Variants in KCNQ1 observed in about 807,000 individuals in gnomAD.
KCNQ1 encodes the protein potassium voltage-gated channel subfamily KQT member 1.
In KCNQ1, 49 loss-of-function variants were observed where a neutral mutation model predicts 72.4. That is an observed-to-expected ratio of 0.68 (90% CI 0.54 to 0.86). The LOEUF is 0.86. Among genes scored for constraint, KCNQ1 ranks in the 40% least tolerant of loss-of-function variants. The pLI, the probability that KCNQ1 is intolerant of heterozygous loss-of-function variation, is 0.00. For synonymous variants in KCNQ1, 450 were observed against 412.6 expected (o/e 1.09, Z -1.10); for missense variants, 790 against 945.1 (o/e 0.84, Z 2.15).
In KCNQ1 at chr11:2,497,439, T is replaced by C. The variant is rs2133637582; in HGVS notation, c.387-30489T>C. Among the ~76,000 whole-genome samples, 1 of 152,328 alleles carries C rather than the reference T, an allele frequency of 6.6e-6. No individual in the cohort carries two copies. Among genetic ancestry groups the C allele is most frequent in the African/African-American group, 2.4e-5 (1 of 41,578 alleles). ...TTGATCTTCAATCTCTGATATCCTT[T>C]CTTCCACTTGATTCATTTGGCTATT... On this transcript the variant is annotated intron_variant, in intron 1 of 15. Coordinates refer to ENST00000155840, the MANE Select transcript of KCNQ1 (RefSeq NM_000218.3). The surrounding 1 kb of genome is among the most constrained non-coding windows in gnomAD (Gnocchi z 4.5).
chr11:2,791,232 G>A (rs1470983566), intron 15 of KCNQ1, among the ~76,000 whole-genome samples: 2 of 152,226 alleles, frequency 1.3e-5, no homozygotes, highest in Non-Finnish European at 2.9e-5. Flanking sequence ...GCCGGAGCCC[G>A]CAGCGGCCGA....
intron 10 of KCNQ1, among the ~76,000 whole-genome samples, chr11:2,597,581 C>T (rs962630412): frequency 5.3e-5 from 8 of 152,296 alleles, no homozygotes; most frequent in African/African-American, 1.9e-4. Flanking sequence ...AATCTGCCAT[C>T]ATGTGGGGGC....
In KCNQ1 at chr11:2,673,612, C is replaced by G. The variant is rs895096554; in HGVS notation, c.1514+11531C>G. On this transcript the variant is annotated intron_variant, in intron 11 of 15. Coordinates refer to ENST00000155840, the MANE Select transcript of KCNQ1 (RefSeq NM_000218.3). This position sits in a 1 kb window ranked among gnomAD's most constrained non-coding sequence, Gnocchi z 4.5. ...CTAAAGAGAAGCTAAACGTGACCAG[C>G]CTACCCACCTTGCTACTGCTGATGA... 7.5e-6 allele frequency: 3 copies of G among 398,674 alleles called. No individual in the cohort carries two copies. In the East Asian group the frequency reaches 1.1e-4, roughly 14 times the overall value. The allele number at this position is 398,674 out of a possible 1,614,324, so 24.7% of individuals were successfully genotyped here.
intron 11 of KCNQ1, among the ~76,000 whole-genome samples, chr11:2,730,315 T>C (rs554746199): frequency 1.2e-4 from 18 of 152,340 alleles, no homozygotes; most frequent in African/African-American, 4.1e-4. Flanking sequence ...ACAAACTTAG[T>C]GGCTTTAAGT....
chr11:2,772,906 C>G lies in KCNQ1; in HGVS notation c.1591-3054C>G, dbSNP rs1234463907. On this transcript the variant is annotated intron_variant, in intron 12 of 15. Transcript: ENST00000155840. The surrounding 1 kb of genome is among the most constrained non-coding windows in gnomAD (Gnocchi z 6.6). ...TGGCTGGAGGTGCCCCATGCTTCAG[C>G]TTCACAGAGCTCTGTGGTCTGCAGG... Among the ~76,000 whole-genome samples, 1 of 152,198 alleles carries G rather than the reference C, an allele frequency of 6.6e-6. No homozygotes were observed. Among genetic ancestry groups the G allele is most frequent in the African/African-American group, 2.4e-5 (1 of 41,446 alleles).
Position 2,612,953 on chromosome 11 carries a change from G to C in KCNQ1, c.1393+24099G>C, listed in dbSNP as rs1344080761. The stretch of plus-strand genomic sequence containing the variant: ...TCTCTGCATGGATTCTGCAGAGTCT[G>C]TGTTCTCCTGCAGTGTGCAGCCACT... On this transcript the variant is annotated intron_variant, in intron 10 of 15. Transcript: ENST00000155840. The surrounding 1 kb of genome is among the most constrained non-coding windows in gnomAD (Gnocchi z 5.5). 1 of 398,432 alleles carries C rather than the reference G, an allele frequency of 2.5e-6. No homozygotes were observed. Among genetic ancestry groups the C allele is most frequent in the African/African-American group, 2.1e-5 (1 of 48,616 alleles). 24.7% of individuals were successfully genotyped at this position (398,432 alleles called of 1,614,324 possible).
intron 15 of KCNQ1, among the ~76,000 whole-genome samples, chr11:2,796,516 G>A (rs1219447984): frequency 6.6e-6 from 1 of 152,136 alleles, no homozygotes; most frequent in African/African-American, 2.4e-5. Context: ...CTATCATGGG[G>A]CCTGAGAAGT....
chr11:2,687,062 A>G lies in KCNQ1; in HGVS notation c.1514+24981A>G. ...TCCCAGCTCTGGGGGACAAGGACCC[A>G]CAAAGTGATGCAAGATATCCTGAGT... On this transcript the variant is annotated intron_variant, in intron 11 of 15. Coordinates refer to ENST00000155840, the MANE Select transcript of KCNQ1 (RefSeq NM_000218.3). The surrounding 1 kb of genome is among the most constrained non-coding windows in gnomAD (Gnocchi z 5.0). 2.5e-6 allele frequency: 1 copy of G among 398,674 alleles called. No individual in the cohort carries two copies. Among genetic ancestry groups the G allele is most frequent in the Non-Finnish European group, 4.4e-6 (1 of 226,078 alleles). The allele number at this position is 398,674 out of a possible 1,614,324, so 24.7% of individuals were successfully genotyped here.
In KCNQ1 at chr11:2,677,846, C is replaced by G; in HGVS notation, c.1514+15765C>G. The G allele has an allele frequency of 2.5e-6, 1 of 398,490 alleles. No homozygotes were observed. Among genetic ancestry groups the G allele is most frequent in the Non-Finnish European group, 4.4e-6 (1 of 226,028 alleles). The allele number at this position is 398,490 out of a possible 1,614,324, so 24.7% of individuals were successfully genotyped here. A position where few individuals can be genotyped will look rare whatever the true frequency, so the allele number is the denominator to read the frequency against. ...TAGATACTGCCAAATAAGGGCTGTACCATTTACATCACTTTGACTGCACAA... is the reference window on the plus strand; with the variant it reads ...TAGATACTGCCAAATAAGGGCTGTAGCATTTACATCACTTTGACTGCACAA... On this transcript the variant is annotated intron_variant, in intron 11 of 15. Transcript: ENST00000155840. This position sits in a 1 kb window ranked among gnomAD's most constrained non-coding sequence, Gnocchi z 4.5.
intron 1 of KCNQ1, among the ~76,000 whole-genome samples, chr11:2,513,253 C>A (rs2011750): frequency 0.26 from 38,867 of 151,998 alleles, 5,643 homozygotes; most frequent in East Asian, 0.47. Flanking sequence ...CCTGAGCCCT[C>A]TTTGCTCTTC....
chr11:2,487,527 C>G (rs1846760978), intron 1 of KCNQ1, among the ~76,000 whole-genome samples: 1 of 152,106 alleles, frequency 6.6e-6, no homozygotes, highest in South Asian at 2.1e-4. Flanking sequence ...CATTTATTTG[C>G]ATCTTTTTAA....
chr11:2,607,890 C>T (rs185389059), intron 10 of KCNQ1, among the ~76,000 whole-genome samples: 18 of 152,238 alleles, frequency 1.2e-4, no homozygotes, highest in Non-Finnish European at 1.9e-4. Context: ...GAGGGTTTTA[C>T]ATCATTTTCA....
In KCNQ1 at chr11:2,565,708, G is replaced by C. The variant is rs188811530; in HGVS notation, c.478-4920G>C. Among the ~76,000 whole-genome samples the C allele has an allele frequency of 5.9e-5, 9 of 152,168 alleles. No homozygotes were observed. The highest frequency in any genetic ancestry group is 2.2e-4 in the African/African-American group (9 of 41,444). ...GGCCTTGCTAGAAAAGCATACAGTCGAACGAGTGGGTCCGATGTGGAGTGC... is the reference window on the plus strand; with the variant it reads ...GGCCTTGCTAGAAAAGCATACAGTCCAACGAGTGGGTCCGATGTGGAGTGC... On this transcript the variant is annotated intron_variant, in intron 2 of 15. Transcript: ENST00000155840. This position sits in a 1 kb window ranked among gnomAD's most constrained non-coding sequence, Gnocchi z 5.6.
chr11:2,519,840 C>T (rs1318600653), intron 1 of KCNQ1, among the ~76,000 whole-genome samples: 2 of 152,104 alleles, frequency 1.3e-5, no homozygotes, highest in Admixed American at 1.3e-4. Context: ...GAAAACACCC[C>T]TTTGCAGCTG....
At position 2,848,415 on chromosome 11, in the gene KCNQ1, CAGCCTCAAATCCAGGACCCT is replaced by C. The variant is rs1848387408; in HGVS notation, c.*413_*432del. 1 of 477,370 alleles carries C rather than the reference CAGCCTCAAATCCAGGACCCT, an allele frequency of 2.1e-6. No homozygotes were observed. Among genetic ancestry groups the C allele is most frequent in the South Asian group, 1.5e-5 (1 of 64,520 alleles). 29.6% of individuals were successfully genotyped at this position (477,370 alleles called of 1,614,324 possible). On this transcript the variant is annotated 3_prime_UTR_variant, in exon 16 of 16. Transcript: ENST00000155840. ...GGGAGACAGAGCAACCCCTGGACCC[CAGCCTCAAATCCAGGACCCT>C]GCCAGGCACAGGCAGGGCAGGACCA...
In KCNQ1 at chr11:2,509,538, C is replaced by T. The variant is rs546628340; in HGVS notation, c.387-18390C>T. ...GGGCAGCCTGCTCAGAGGATGAGCCCAGCTATTCTGGGAAGCAGGCAGGAA... is the reference window on the plus strand; with the variant it reads ...GGGCAGCCTGCTCAGAGGATGAGCCTAGCTATTCTGGGAAGCAGGCAGGAA... On this transcript the variant is annotated intron_variant, in intron 1 of 15. Transcript: ENST00000155840. This position sits in a 1 kb window ranked among gnomAD's most constrained non-coding sequence, Gnocchi z 6.3. Among the ~76,000 whole-genome samples, 1 of 152,260 alleles carries T rather than the reference C, an allele frequency of 6.6e-6. No individual in the cohort carries two copies. Among genetic ancestry groups the T allele is most frequent in the African/African-American group, 2.4e-5 (1 of 41,556 alleles).
At position 2,678,762 on chromosome 11, in the gene KCNQ1, T is replaced by C. The variant is rs1850336919; in HGVS notation, c.1514+16681T>C. ...GACAGGAAGCTGGGGTGTTTGGGAC[T>C]GAGGCTTCATCGTGGCAGCTAATAA... On this transcript the variant is annotated intron_variant, in intron 11 of 15. Coordinates refer to ENST00000155840, the MANE Select transcript of KCNQ1 (RefSeq NM_000218.3). The surrounding 1 kb of genome is among the most constrained non-coding windows in gnomAD (Gnocchi z 4.9). 4 of 398,642 alleles carry C rather than the reference T, an allele frequency of 1.0e-5. No individual in the cohort carries two copies. In the Admixed American group the frequency reaches 1.3e-4, roughly 13 times the overall value. The allele number at this position is 398,642 out of a possible 1,614,324, so 24.7% of individuals were successfully genotyped here. A position where few individuals can be genotyped will look rare whatever the true frequency, so the allele number is the denominator to read the frequency against.
Position 2,457,828 on chromosome 11 carries a change from AC to A in KCNQ1, c.386+12345del, listed in dbSNP as rs1446506478. 6.6e-6 allele frequency among the ~76,000 whole-genome samples: 1 copy of A among 151,958 alleles called. No homozygotes were observed. The highest frequency in any genetic ancestry group is 2.4e-5 in the African/African-American group (1 of 41,348). ...TTGGCATGGGAGAAAAAAAAAAAAA[AC>A]AGATGTAAGTTAGAAGAGGTTACGC... On this transcript the variant is annotated intron_variant, in intron 1 of 15. Coordinates refer to ENST00000155840, the MANE Select transcript of KCNQ1 (RefSeq NM_000218.3). This position sits in a 1 kb window ranked among gnomAD's most constrained non-coding sequence, Gnocchi z 5.0.
At chr11:2,605,206 AT>A (rs962224261) in intron 10 of KCNQ1, among the ~76,000 whole-genome samples, 4 of 152,328 alleles carry the variant, frequency 2.6e-5, no homozygotes, top group African/African-American at 9.6e-5. Context: ...TATCAGATAG[AT>A]TATTTGCAAA....
Sources: gnomAD v4.1 joint callset for allele counts (sites outside exome capture counted in the v4.1 genomes callset) on GRCh38, gnomAD v4.1.1 for gene constraint, Gnocchi (gnomAD v3.1) non-coding constraint, MANE v1.5 for transcripts, NCBI Gene and HGNC (gene_info 2026-07-23, HGNC 2026-07-21) for gene names.